Variants in ERICH3 observed in about 807,000 individuals in gnomAD.
ERICH3 encodes the protein glutamate-rich protein 3.
In ERICH3, 126 loss-of-function variants were observed where a neutral mutation model predicts 131.1. The ratio of observed to expected loss-of-function variants is 0.96; its 90% CI spans 0.83 to 1.11. The LOEUF (loss-of-function observed/expected upper bound fraction) is 1.11, where lower values mean the gene tolerates loss of function less well. ERICH3 is among the 50% of genes most tolerant of loss of function. ERICH3 has a pLI of 0.00. For missense variants in ERICH3, 2,050 were observed against 1,810.7 expected, an observed-to-expected ratio of 1.13 and a Z score of -2.40; for synonymous variants, 695 against 644.6, an observed-to-expected ratio of 1.08 and a Z score of -1.18.
At chr1:74,652,718 A>G (rs1646548191) in intron 1 of ERICH3, among the ~76,000 whole-genome samples, 1 of 151,794 alleles carries the variant, frequency 6.6e-6, no homozygotes, top group South Asian at 2.1e-4. Context: ...CACCCTTTTC[A>G]TCGATTCCGT....
At chr1:74,668,925 A>C (rs778577888) in intron 1 of ERICH3, among the ~76,000 whole-genome samples, 16 of 152,304 alleles carry the variant, frequency 1.1e-4, no homozygotes, top group Non-Finnish European at 1.6e-4. Flanking sequence ...GGTAACAAAC[A>C]GACTAGAATG....
At chr1:74,624,695 C>G (rs670928) in intron 7 of ERICH3, 3 of 152,508 alleles carry the variant, frequency 2.0e-5, no homozygotes, top group East Asian at 1.9e-4. Context: ...TTTCCTCCCC[C>G]ACTCCCTCTG....
At position 74,589,696 on chromosome 1, in the gene ERICH3, A is replaced by G. The variant is rs1647491918; in HGVS notation, c.2111T>C (p.Leu704Pro). 7 of 1,613,866 alleles carry G rather than the reference A, an allele frequency of 4.3e-6. No individual in the cohort carries two copies. The highest frequency in any genetic ancestry group is 1.3e-5 in the African/African-American group (1 of 74,884). The change falls in exon 12 of 15, where the codon CTT (leucine) becomes CCT (proline). Residue 704 changes from leucine (L) to proline (P), a missense_variant. Transcript: ENST00000326665. ...AEEKEKDKSKLWEESTAQVKD... is the reference protein window; with the variant it reads ...AEEKEKDKSKPWEESTAQVKD... ...CACCTGAGCAGTGCTTTCTTCCCAA[A>G]GCTTACTCTTATCCTTTTCCTTTTC...
rs1236558842 is a variant in ERICH3, at chr1:74,634,220, TA to T, written c.603+2059del. On this transcript the variant is annotated intron_variant, in intron 6 of 14. Coordinates refer to ENST00000326665, the MANE Select transcript of ERICH3 (RefSeq NM_001002912.5). ...ATTGAAAAAAATTACAGATAAGACA[TA>T]ATCACAGTATACTTTGTCTGTGAAC... Among the ~76,000 whole-genome samples the T allele has an allele frequency of 1.2e-4, 18 of 152,250 alleles. No individual in the cohort carries two copies. In the East Asian group the frequency reaches 3.3e-3, roughly 28 times the overall value.
chr1:74,570,992 G>A (rs1302363992), intron 14 of ERICH3, 107 bp downstream of exon 14: 2 of 1,378,436 alleles, frequency 1.5e-6, no homozygotes, highest in Non-Finnish European at 2.0e-6. Flanking sequence ...AAGCCTGTGT[G>A]TTTATATGTG....
intron 11 of ERICH3, among the ~76,000 whole-genome samples, chr1:74,594,271 G>GGTGT (rs1350415828): frequency 7.3e-6 from 1 of 136,160 alleles, no homozygotes; most frequent in African/African-American, 3.4e-5. Context: ...ACAAAAATGG[G>GGTGT]GCGTGTGTGT....
intron 8 of ERICH3, among the ~76,000 whole-genome samples, chr1:74,619,389 G>A (rs764423951): frequency 2.6e-5 from 4 of 152,088 alleles, no homozygotes; most frequent in Non-Finnish European, 4.4e-5. Flanking sequence ...CATTAATTCC[G>A]ACTTTACAGC....
intron 6 of ERICH3, among the ~76,000 whole-genome samples, chr1:74,633,492 A>G (rs1406380447): frequency 6.6e-6 from 1 of 152,008 alleles, no homozygotes; most frequent in Non-Finnish European, 1.5e-5. Context: ...CTGAGTAGGC[A>G]TCAATCAATT....
intron 11 of ERICH3, among the ~76,000 whole-genome samples, chr1:74,599,005 A>G (rs1248687043): frequency 6.6e-6 from 1 of 151,990 alleles, no homozygotes; most frequent in Admixed American, 6.6e-5. Context: ...TTTTTAGGAT[A>G]CTTAATATGT....
chr1:74,571,603 T>C lies in ERICH3; in HGVS notation c.4107A>G (p.Lys1369=), dbSNP rs1339356161. Residue 1369 remains lysine (K), a synonymous_variant, in exon 14 of 15, where the codon AAA becomes AAG. Transcript: ENST00000326665. ...AGGAGGAGGCTTTATTTGCTATTGT[T>C]TTCTCCTCGGCTGTCTCCGAACCTG... ...VLAGSETAEE[K]TIANKASSFS... is the part of the protein sequence containing the mutation. The C allele has an allele frequency of 1.2e-6, 2 of 1,614,042 alleles. No homozygotes were observed. Among genetic ancestry groups the C allele is most frequent in the East Asian group, 2.2e-5 (1 of 44,884 alleles).
At chr1:74,581,145 T>G (rs696687) in intron 12 of ERICH3, among the ~76,000 whole-genome samples, 31,566 of 152,110 alleles carry the variant, frequency 0.21, 3,965 homozygotes, top group African/African-American at 0.35. Context: ...TTGTTAGGAT[T>G]TGCAGATGTT....
rs188952011 is a variant in ERICH3, at chr1:74,639,524, T to C, written c.444+1807A>G. Among the ~76,000 whole-genome samples the C allele has an allele frequency of 1.9e-3, 291 of 152,314 alleles. 6 individuals are homozygous for C. Among genetic ancestry groups the C allele is most frequent in the Admixed American group, 0.019 (289 of 15,280 alleles). On this transcript the variant is annotated intron_variant, in intron 5 of 14. Coordinates refer to ENST00000326665, the MANE Select transcript of ERICH3 (RefSeq NM_001002912.5). ...TTGTGTGTAATATATTTTCTTGGAA[T>C]AAATATGGCATTGTAGCTTAACATT...
chr1:74,673,613 G>C lies in ERICH3; in HGVS notation c.-94C>G. On this transcript the variant is annotated 5_prime_UTR_variant, in exon 1 of 15. Coordinates refer to ENST00000326665, the MANE Select transcript of ERICH3 (RefSeq NM_001002912.5). ...GGCGCTGCGACAGTCGCGCTCGAGG[G>C]GTGGCTCCGCACCGAGGTCCCCTGT... 6.9e-7 allele frequency: 1 copy of C among 1,447,978 alleles called. No individual in the cohort carries two copies. Among genetic ancestry groups the C allele is most frequent in the Non-Finnish European group, 9.5e-7 (1 of 1,052,404 alleles). 89.7% of individuals were successfully genotyped at this position (1,447,978 alleles called of 1,614,324 possible).
intron 2 of ERICH3, among the ~76,000 whole-genome samples, 187 bp downstream of exon 2, chr1:74,649,035 T>C (rs754751923): frequency 1.4e-4 from 22 of 152,150 alleles, no homozygotes; most frequent in Non-Finnish European, 2.8e-4. Flanking sequence ...TTCTTAGCAG[T>C]CATAGTGACC....
chr1:74,619,455 T>C (rs1649118928), intron 8 of ERICH3, among the ~76,000 whole-genome samples: 1 of 152,208 alleles, frequency 6.6e-6, no homozygotes, highest in Non-Finnish European at 1.5e-5. Flanking sequence ...AAAAAATAAG[T>C]GTATGTATCT....
chr1:74,665,629 T>A (rs1646684610), intron 1 of ERICH3, among the ~76,000 whole-genome samples: 1 of 152,186 alleles, frequency 6.6e-6, no homozygotes. Flanking sequence ...CTGAGGGCCA[T>A]GAGAGAAGAG....
intron 1 of ERICH3, among the ~76,000 whole-genome samples, chr1:74,670,971 C>G (rs1475570663): frequency 6.6e-6 from 1 of 152,118 alleles, no homozygotes; most frequent in African/African-American, 2.4e-5. Flanking sequence ...GAGATAAGGA[C>G]TGATATAAGC....
At chr1:74,613,591 G>A (rs531326369) in intron 8 of ERICH3, among the ~76,000 whole-genome samples, 12 of 152,236 alleles carry the variant, frequency 7.9e-5, no homozygotes, top group Admixed American at 5.9e-4. Context: ...CATGAATGAA[G>A]CAGTTATTTC....
intron 1 of ERICH3, among the ~76,000 whole-genome samples, chr1:74,664,604 A>C (rs1171008468): frequency 6.6e-6 from 1 of 152,194 alleles, no homozygotes; most frequent in African/African-American, 2.4e-5. Context: ...ATGCTGTTTC[A>C]TAACTACTAT....
Sources: gnomAD v4.1 joint callset for allele counts (sites outside exome capture counted in the v4.1 genomes callset) on GRCh38, gnomAD v4.1.1 for gene constraint, MANE v1.5 for transcripts, NCBI Gene and HGNC (gene_info 2026-07-23, HGNC 2026-07-21) for gene names.